RERE: variants seen among roughly 807,000 people sequenced by gnomAD.
The protein encoded by RERE is arginine-glutamic acid dipeptide repeats, also known as arginine-glutamic acid dipeptide repeats protein.
A neutral mutation model predicts 146.1 loss-of-function variants in RERE; 40 were observed. The ratio of observed to expected loss-of-function variants is 0.27; its 90% CI spans 0.21 to 0.36. The LOEUF (loss-of-function observed/expected upper bound fraction) is 0.36. RERE is among the 10% of genes least tolerant of loss of function. RERE has a pLI of 1.00. For missense variants in RERE, 1,933 were observed against 2,138.7 expected, an observed-to-expected ratio of 0.90 and a Z score of 1.90; for synonymous variants, 1,003 against 866.0, an observed-to-expected ratio of 1.16 and a Z score of -2.78.
intron 12 of RERE, among the ~76,000 whole-genome samples, chr1:8,379,652 G>T (rs1225764550): frequency 6.6e-6 from 1 of 152,198 alleles, no homozygotes; most frequent in East Asian, 1.9e-4. Context: ...CAGGAAGTGT[G>T]GGACTGGCAG....
chr1:8,718,053 A>C (rs1231061657), intron 1 of RERE, among the ~76,000 whole-genome samples: 1 of 152,250 alleles, frequency 6.6e-6, no homozygotes, highest in Non-Finnish European at 1.5e-5. Flanking sequence ...AAGAGTGGTT[A>C]ACACACAAGA....
chr1:8,660,081 A>G (rs1263679376), intron 1 of RERE, among the ~76,000 whole-genome samples: 1 of 151,942 alleles, frequency 6.6e-6, no homozygotes, highest in Admixed American at 6.6e-5. Context: ...AATAATTAAT[A>G]CCATATCATT....
At chr1:8,816,746 C>T (rs1330928994) in intron 1 of RERE, among the ~76,000 whole-genome samples, 3 of 152,104 alleles carry the variant, frequency 2.0e-5, no homozygotes, top group Non-Finnish European at 2.9e-5. Context: ...GGAAATCTTC[C>T]CCCAATGAGA....
chr1:8,574,987 T>A (rs1388863663), intron 4 of RERE, among the ~76,000 whole-genome samples: 6 of 152,200 alleles, frequency 3.9e-5, no homozygotes, highest in Non-Finnish European at 7.3e-5. Context: ...AATTCGCAAA[T>A]GCTAAAATTT....
intron 1 of RERE, among the ~76,000 whole-genome samples, chr1:8,754,465 A>G (rs1463645152): frequency 1.3e-5 from 2 of 152,168 alleles, no homozygotes; most frequent in Non-Finnish European, 2.9e-5. Context: ...AATTTTCAAG[A>G]TATTTGTTCT....
intron 10 of RERE, among the ~76,000 whole-genome samples, chr1:8,471,249 C>T (rs1644680149): frequency 6.6e-6 from 1 of 152,280 alleles, no homozygotes; most frequent in African/African-American, 2.4e-5. Flanking sequence ...TCCTTCGACA[C>T]ATTTACTGAG....
chr1:8,636,850 C>T (rs137934894), intron 2 of RERE, among the ~76,000 whole-genome samples: 181 of 152,184 alleles, frequency 1.2e-3, no homozygotes, highest in East Asian at 9.1e-3. Context: ...AGAATGGAGG[C>T]CACATACAAT....
chr1:8,648,986 C>T (rs1276806396), intron 2 of RERE, among the ~76,000 whole-genome samples: 1 of 150,148 alleles, frequency 6.7e-6, no homozygotes, highest in Non-Finnish European at 1.5e-5. Context: ...AAAAAAATCT[C>T]ACAATAATAT....
At chr1:8,480,438 ATTT>A (rs774790710) in intron 10 of RERE, among the ~76,000 whole-genome samples, 1 of 108,896 alleles carries the variant, frequency 9.2e-6, no homozygotes, top group African/African-American at 3.6e-5. Context: ...AGGCCCGGAA[ATTT>A]TTTTTTTTTT....
chr1:8,505,738 C>T (rs1645241351), intron 8 of RERE, among the ~76,000 whole-genome samples: 1 of 152,114 alleles, frequency 6.6e-6, no homozygotes. Flanking sequence ...GCCATGTTGC[C>T]CAGGCTGGTC....
At chr1:8,767,272 T>C (rs992577061) in intron 1 of RERE, among the ~76,000 whole-genome samples, 4 of 152,092 alleles carry the variant, frequency 2.6e-5, no homozygotes, top group East Asian at 1.9e-4. Flanking sequence ...TATGAGAAAG[T>C]AGACCAGGAA....
At chr1:8,709,037 C>T (rs982846338) in intron 1 of RERE, among the ~76,000 whole-genome samples, 2 of 150,674 alleles carry the variant, frequency 1.3e-5, no homozygotes, top group South Asian at 2.1e-4. Context: ...CTCAGCCTCC[C>T]GAGTAGCTGG....
intron 9 of RERE, among the ~76,000 whole-genome samples, chr1:8,496,701 C>T (rs1021917392): frequency 1.4e-4 from 21 of 152,066 alleles, no homozygotes; most frequent in Admixed American, 3.3e-4. Flanking sequence ...GTGTGAGGAG[C>T]GAATTCACAC....
intron 11 of RERE, among the ~76,000 whole-genome samples, chr1:8,439,733 A>C (rs1644221158): frequency 1.3e-5 from 2 of 152,230 alleles, no homozygotes; most frequent in Admixed American, 6.5e-5. Context: ...CCTTAGGATA[A>C]TGCAGGACAA....
chr1:8,555,524 T>G (rs984984833), intron 6 of RERE, among the ~76,000 whole-genome samples: 30 of 152,294 alleles, frequency 2.0e-4, no homozygotes, highest in African/African-American at 6.7e-4. Flanking sequence ...AGCATCAGAA[T>G]GGAGAAATTA....
rs577400191 is a variant in RERE at position 8,610,418 on chromosome 1, A to G, written c.522+4143T>C. On this transcript the variant is annotated intron_variant, in intron 4 of 22. Transcript: ENST00000400908. ...AGCCTGGCCAACATAGTGAAACCCT[A>G]TCTCTACTAAAAATACAAAACTTAG... is the stretch of plus-strand genomic sequence containing the variant. 1.4e-4 allele frequency among the ~76,000 whole-genome samples: 22 copies of G among 151,942 alleles called. No homozygotes were observed. In the East Asian group the frequency reaches 1.8e-3, roughly 12 times the overall value.
chr1:8,657,323 G>GAAAAAAAAAAAAAAAAAAAAAAAA (rs1638345412), intron 1 of RERE, among the ~76,000 whole-genome samples: 1 of 50,154 alleles, frequency 2.0e-5, no homozygotes, highest in Non-Finnish European at 4.4e-5. Flanking sequence ...AAAAAAAAAA[G>GAAAAAAAAAAAAAAAAAAAAAAAA]AAGAAGAAAA....
intron 10 of RERE, among the ~76,000 whole-genome samples, chr1:8,471,517 C>CTT (rs35144697): frequency 0.18 from 24,181 of 132,166 alleles, 2,210 homozygotes; most frequent in Middle Eastern, 0.25. Context: ...CCCGGGGTTG[C>CTT]TTTTTTTTTT....
At chr1:8,579,872 C>T (rs1420029924) in intron 4 of RERE, among the ~76,000 whole-genome samples, 1 of 152,112 alleles carries the variant, frequency 6.6e-6, no homozygotes, top group Non-Finnish European at 1.5e-5. Context: ...GGCGTGGTGG[C>T]GCATGCCTGT....
Sources: gnomAD v4.1 joint callset for allele counts (sites outside exome capture counted in the v4.1 genomes callset) on GRCh38, gnomAD v4.1.1 for gene constraint, MANE v1.5 for transcripts, NCBI Gene and HGNC (gene_info 2026-07-23, HGNC 2026-07-21) for gene names.